SLC12A1: variants seen among roughly 807,000 people sequenced by gnomAD.
The protein encoded by SLC12A1 is Na-K-2Cl cotransporter.
SLC12A1 carries 89 observed loss-of-function variants against 130.4 expected under a neutral mutation model. The ratio of observed to expected loss-of-function variants is 0.68; its 90% CI spans 0.58 to 0.81. The LOEUF is 0.81. Among genes scored for constraint, SLC12A1 ranks in the 40% least tolerant of loss-of-function variants. The pLI, the probability that SLC12A1 is intolerant of heterozygous loss-of-function variation, is 0.00. For synonymous variants in SLC12A1, 499 were observed against 460.0 expected (o/e 1.08, Z -1.09); for missense variants, 1,310 against 1,336.4 (o/e 0.98, Z 0.31).
intron 4 of SLC12A1, chr15:48,221,424 A>C: frequency 1.4e-6 from 1 of 696,684 alleles, no homozygotes; most frequent in Non-Finnish European, 2.6e-6. Flanking sequence ...CTGACTAATA[A>C]AAATGCTGAA....
chr15:48,289,723 C>T (rs974005608), intron 23 of SLC12A1, among the ~76,000 whole-genome samples: 1 of 151,918 alleles, frequency 6.6e-6, no homozygotes, highest in Non-Finnish European at 1.5e-5. Flanking sequence ...AGAAATGGTA[C>T]AGTAAAAATA....
At chr15:48,237,076 C>A (rs2041448296) in intron 9 of SLC12A1, 1 of 699,792 alleles carries the variant, frequency 1.4e-6, no homozygotes, top group Non-Finnish European at 2.6e-6. Context: ...TTAGAACAAG[C>A]AAGAGTAGAA....
rs1400209959 is a variant in SLC12A1 at position 48,255,912 on chromosome 15, T to A, written c.2042+2T>A. 4 of 1,572,154 alleles carry A rather than the reference T, an allele frequency of 2.5e-6. No individual in the cohort carries two copies. The highest frequency in any genetic ancestry group is 3.5e-6 in the Non-Finnish European group (4 of 1,153,272). On this transcript the variant is annotated splice_donor_variant, in intron 16 of 26. Transcript: ENST00000380993. LOFTEE classifies it high-confidence loss of function. ...GGAAGACCACGTAAAAAACTTCAGG[T>A]AAAGCTGGTGTCTCAGGCATCCTGG...
intron 14 of SLC12A1, among the ~76,000 whole-genome samples, chr15:48,250,764 T>G (rs189689697): frequency 6.6e-6 from 1 of 151,548 alleles, no homozygotes; most frequent in Admixed American, 6.6e-5. Flanking sequence ...GTTCTTGAAG[T>G]GCTATGTCCA....
chr15:48,247,621 C>T (rs557407075), intron 13 of SLC12A1, among the ~76,000 whole-genome samples, 161 bp downstream of exon 13: 2 of 152,226 alleles, frequency 1.3e-5, no homozygotes, highest in African/African-American at 2.4e-5. Context: ...GTGTAGAGGG[C>T]CTTTGAGGAA....
chr15:48,249,019 G>A (rs1363354340), intron 13 of SLC12A1, among the ~76,000 whole-genome samples: 1 of 152,168 alleles, frequency 6.6e-6, no homozygotes, highest in South Asian at 2.1e-4. Flanking sequence ...ACTCCAGGGT[G>A]ACAAGAGCTA....
chr15:48,234,759 A>T (rs1597414252), intron 8 of SLC12A1, 118 bp from the exon 9 acceptor site: 1 of 1,022,570 alleles, frequency 9.8e-7, no homozygotes, highest in East Asian at 2.6e-5. Flanking sequence ...TCTCAAAAAA[A>T]AAAAAATTAG....
chr15:48,299,774 G>C (rs1441503567), intron 25 of SLC12A1, among the ~76,000 whole-genome samples: 1 of 152,210 alleles, frequency 6.6e-6, no homozygotes, highest in Non-Finnish European at 1.5e-5. Context: ...GATGTAAAAT[G>C]GTGAGCCTTT....
At chr15:48,233,196 CTG>C (rs1399318884) in intron 8 of SLC12A1, among the ~76,000 whole-genome samples, 1 of 152,224 alleles carries the variant, frequency 6.6e-6, no homozygotes, top group Non-Finnish European at 1.5e-5. Flanking sequence ...GATCTCAACT[CTG>C]CCACTTAACA....
intron 9 of SLC12A1, among the ~76,000 whole-genome samples, chr15:48,241,001 T>G (rs1052783706): frequency 2.0e-5 from 3 of 152,302 alleles, no homozygotes; most frequent in African/African-American, 7.2e-5. Flanking sequence ...ATTTCTGAAC[T>G]AGATTTCAAA....
At chr15:48,229,632 C>T (rs1342299373) in intron 6 of SLC12A1, among the ~76,000 whole-genome samples, 1 of 152,146 alleles carries the variant, frequency 6.6e-6, no homozygotes, top group African/African-American at 2.4e-5. Flanking sequence ...AAATAATGTA[C>T]ACAAAATATT....
At chr15:48,283,046 G>C (rs1303807545) in intron 20 of SLC12A1, among the ~76,000 whole-genome samples, 1 of 152,076 alleles carries the variant, frequency 6.6e-6, no homozygotes. Context: ...ACAGTCCCTG[G>C]CACCCAAAGA....
intron 20 of SLC12A1, among the ~76,000 whole-genome samples, chr15:48,276,854 G>T (rs534597973): frequency 4.6e-5 from 7 of 152,278 alleles, no homozygotes; most frequent in African/African-American, 1.7e-4. Context: ...GAAGTCTGGG[G>T]TCAGGTAAAC....
chr15:48,227,525 A>G, intron 5 of SLC12A1: 2 of 286,446 alleles, frequency 7.0e-6, no homozygotes, highest in Non-Finnish European at 1.3e-5. Context: ...AATGCCCCAG[A>G]TGGCATTGCT....
At chr15:48,212,340 A>C (rs1373198714) in intron 2 of SLC12A1, among the ~76,000 whole-genome samples, 1 of 152,184 alleles carries the variant, frequency 6.6e-6, no homozygotes. Context: ...ACATACACAT[A>C]TATCTATAAA....
chr15:48,220,405 G>A (rs534981614), intron 2 of SLC12A1, among the ~76,000 whole-genome samples: 6 of 152,006 alleles, frequency 3.9e-5, no homozygotes, highest in African/African-American at 1.5e-4. Flanking sequence ...AACATCTCAG[G>A]TTCCCTTCAC....
chr15:48,247,503 T>G, intron 13 of SLC12A1, 43 bp downstream of exon 13: 1 of 1,446,002 alleles, frequency 6.9e-7, no homozygotes, highest in South Asian at 1.2e-5. Flanking sequence ...CAAAGAATTC[T>G]TCTGATTATT....
intron 2 of SLC12A1, among the ~76,000 whole-genome samples, chr15:48,208,708 A>G (rs2041013439): frequency 1.3e-5 from 2 of 152,214 alleles, no homozygotes; most frequent in Admixed American, 1.3e-4. Flanking sequence ...AGTCCACTCA[A>G]TTCACACTTG....
At chr15:48,284,474 G>A (rs2042037322) in intron 20 of SLC12A1, among the ~76,000 whole-genome samples, 1 of 152,112 alleles carries the variant, frequency 6.6e-6, no homozygotes, top group Non-Finnish European at 1.5e-5. Flanking sequence ...AAGATTTTCT[G>A]TTTGTTTGTT....
Sources: allele counts gnomAD v4.1 joint callset (sites outside exome capture counted in the v4.1 genomes callset), GRCh38; gene constraint gnomAD v4.1.1; transcripts MANE v1.5; gene names NCBI Gene and HGNC (gene_info 2026-07-23, HGNC 2026-07-21).